The following CAMTA1 variants were observed in gnomAD, a reference collection of about 807,000 sequenced individuals.
The protein encoded by CAMTA1 is calmodulin-binding transcription activator 1.
A neutral mutation model predicts 170.9 loss-of-function variants in CAMTA1; 27 were observed. That is an observed-to-expected ratio of 0.16 (90% CI 0.12 to 0.22). The LOEUF (loss-of-function observed/expected upper bound fraction) is 0.22. Ranked by LOEUF, CAMTA1 falls within the 10% of genes least tolerant of loss-of-function variation. CAMTA1 has a pLI of 1.00. For synonymous variants in CAMTA1, 833 were observed against 891.5 expected (o/e 0.93, Z 1.17); for missense variants, 1,619 against 2,217.2 (o/e 0.73, Z 5.42).
chr1:7,274,521 G>C (rs1670302120), intron 5 of CAMTA1, among the ~76,000 whole-genome samples: 1 of 152,186 alleles, frequency 6.6e-6, no homozygotes, highest in Non-Finnish European at 1.5e-5. Context: ...TCTTTTCTCA[G>C]TGATGCATAG....
intron 6 of CAMTA1, among the ~76,000 whole-genome samples, chr1:7,506,677 C>T (rs1053115793): frequency 3.3e-5 from 5 of 151,426 alleles, no homozygotes; most frequent in African/African-American, 1.2e-4. Context: ...ACTCTAACAT[C>T]TCATGCTCAC....
At chr1:7,323,090 T>G (rs1016688303) in intron 5 of CAMTA1, among the ~76,000 whole-genome samples, 5 of 151,250 alleles carry the variant, frequency 3.3e-5, no homozygotes, top group Non-Finnish European at 5.9e-5. Context: ...TATTTTGTTC[T>G]ATTTCTTAAG....
At chr1:7,199,806 T>G (rs532253014) in intron 4 of CAMTA1, among the ~76,000 whole-genome samples, 110 of 152,206 alleles carry the variant, frequency 7.2e-4, no homozygotes, top group African/African-American at 2.4e-3. Flanking sequence ...ATATTCTAGA[T>G]ATACAAAAAG....
rs543876400 is a variant in CAMTA1 at position 6,918,271 on chromosome 1, T to G, written c.234+93061T>G. Among the ~76,000 whole-genome samples, 190 of 152,288 alleles carry G rather than the reference T, an allele frequency of 1.2e-3. No individual in the cohort carries two copies. Among genetic ancestry groups the G allele is most frequent in the African/African-American group, 3.8e-3 (156 of 41,566 alleles). On this transcript the variant is annotated intron_variant, in intron 3 of 22. Transcript: ENST00000303635. This position sits in a 1 kb window ranked among gnomAD's most constrained non-coding sequence, Gnocchi z 4.0. ...GCTTCTGGAGAGTACTGAAGAAGAA[T>G]AATATTTTTTTAATCTAAAAGAACT...
At chr1:7,469,938 G>A (rs1183894980) in intron 6 of CAMTA1, among the ~76,000 whole-genome samples, 1 of 152,236 alleles carries the variant, frequency 6.6e-6, no homozygotes, top group African/African-American at 2.4e-5. Context: ...TGGCGCTCCT[G>A]TTTTCCAGCC....
intron 3 of CAMTA1, among the ~76,000 whole-genome samples, chr1:6,902,277 G>A (rs1466568376): frequency 6.6e-6 from 1 of 152,096 alleles, no homozygotes; most frequent in African/African-American, 2.4e-5. Context: ...ATTTGTATGG[G>A]AACATTTACA....
At chr1:7,541,819 C>T (rs984788174) in intron 6 of CAMTA1, among the ~76,000 whole-genome samples, 2 of 152,220 alleles carry the variant, frequency 1.3e-5, no homozygotes, top group Non-Finnish European at 2.9e-5. Context: ...TGCCAGAACC[C>T]TGGGAGAGGT....
At chr1:7,459,838 G>A (rs1386540033) in intron 5 of CAMTA1, among the ~76,000 whole-genome samples, 4 of 152,230 alleles carry the variant, frequency 2.6e-5, no homozygotes, top group Non-Finnish European at 4.4e-5. Context: ...ACTGTAGTGG[G>A]AGAGAAACAG....
intron 4 of CAMTA1, among the ~76,000 whole-genome samples, chr1:7,131,090 A>G (rs1225404010): frequency 2.0e-5 from 3 of 151,872 alleles, no homozygotes; most frequent in Non-Finnish European, 4.4e-5. Flanking sequence ...AGTAACTGGG[A>G]CTACAGGCAC....
chr1:7,761,560 A>G (rs1485977009), intron 22 of CAMTA1, among the ~76,000 whole-genome samples: 1 of 152,218 alleles, frequency 6.6e-6, no homozygotes, highest in East Asian at 1.9e-4. Flanking sequence ...ACATAACAAA[A>G]GTTTATCATG....
At chr1:7,193,196 A>T (rs977592239) in intron 4 of CAMTA1, among the ~76,000 whole-genome samples, 1 of 151,896 alleles carries the variant, frequency 6.6e-6, no homozygotes, top group African/African-American at 2.4e-5. Flanking sequence ...ACTGAAAAAT[A>T]AAAAAATTAG....
In CAMTA1 at chr1:6,888,447, CAG is replaced by C. The variant is rs1415758148; in HGVS notation, c.234+63241_234+63242del. ...CGGTGCCTCCTGAAGAAGTAGAAGA[CAG>C]AGATGCATAGAAACATGAGTCATGT... On this transcript the variant is annotated intron_variant, in intron 3 of 22. Coordinates refer to ENST00000303635, the MANE Select transcript of CAMTA1 (RefSeq NM_015215.4). 2.0e-5 allele frequency among the ~76,000 whole-genome samples: 3 copies of C among 151,962 alleles called. No individual in the cohort carries two copies. In the South Asian group the frequency reaches 6.2e-4, roughly 32 times the overall value.
At chr1:7,652,451 C>T (rs773846437) in intron 7 of CAMTA1, among the ~76,000 whole-genome samples, 2 of 152,196 alleles carry the variant, frequency 1.3e-5, no homozygotes, top group Non-Finnish European at 2.9e-5. Context: ...GCTGACCTGA[C>T]CCCGAAGTGA....
intron 5 of CAMTA1, among the ~76,000 whole-genome samples, chr1:7,264,133 C>T (rs1206474605): frequency 1.3e-5 from 2 of 152,200 alleles, no homozygotes; most frequent in African/African-American, 2.4e-5. Context: ...AAGGACGCTT[C>T]TGCAAAGGAT....
rs895721075 is a variant in CAMTA1, at chr1:7,585,108, T to G, written c.511-55292T>G. On this transcript the variant is annotated intron_variant, in intron 6 of 22. Transcript: ENST00000303635. This position sits in a 1 kb window ranked among gnomAD's most constrained non-coding sequence, Gnocchi z 4.8. ...CACACAAAGAGGGATGAACTGAGAC[T>G]ATAAGTAGCCTCACATCAGTTCAGG... 1.3e-5 allele frequency among the ~76,000 whole-genome samples: 2 copies of G among 152,200 alleles called. No homozygotes were observed. Among genetic ancestry groups the G allele is most frequent in the Non-Finnish European group, 2.9e-5 (2 of 68,034 alleles).
intron 22 of CAMTA1, among the ~76,000 whole-genome samples, chr1:7,757,593 C>T (rs1407558377): frequency 3.3e-5 from 5 of 152,128 alleles, no homozygotes; most frequent in East Asian, 3.9e-4. Flanking sequence ...GTGGTCAAAC[C>T]GTGTCTCTAC....
chr1:7,414,364 T>C (rs2091004451), intron 5 of CAMTA1, among the ~76,000 whole-genome samples: 1 of 152,338 alleles, frequency 6.6e-6, no homozygotes, highest in South Asian at 2.1e-4. Flanking sequence ...TCTGGTAGAA[T>C]TCGGCTGTGA....
chr1:7,240,382 C>A (rs1290032644), intron 4 of CAMTA1, among the ~76,000 whole-genome samples: 2 of 151,972 alleles, frequency 1.3e-5, no homozygotes, highest in Non-Finnish European at 2.9e-5. Context: ...CAACAATGAG[C>A]AATTAGTTTT....
Position 7,514,956 on chromosome 1 carries a change from A to G in CAMTA1, c.510+47055A>G, listed in dbSNP as rs72863087. Among the ~76,000 whole-genome samples the G allele has an allele frequency of 8.0e-3, 1,216 of 152,264 alleles. 5 individuals are homozygous for G. Among genetic ancestry groups the G allele is most frequent in the African/African-American group, 0.028 (1,158 of 41,548 alleles). On this transcript the variant is annotated intron_variant, in intron 6 of 22. Transcript: ENST00000303635. ...TTCCTCCTACTCCCCTTTGAGAGCCAGGTGGTCCTCCTGGGCTCCCTCCAC... is the reference window on the plus strand; with the variant it reads ...TTCCTCCTACTCCCCTTTGAGAGCCGGGTGGTCCTCCTGGGCTCCCTCCAC...
Sources: gnomAD v4.1 joint callset for allele counts (sites outside exome capture counted in the v4.1 genomes callset) on GRCh38, gnomAD v4.1.1 for gene constraint, Gnocchi (gnomAD v3.1) non-coding constraint, MANE v1.5 for transcripts, NCBI Gene and HGNC (gene_info 2026-07-23, HGNC 2026-07-21) for gene names.